The following POM121C variants were observed in gnomAD, a reference collection of about 807,000 sequenced individuals.
The protein encoded by POM121C is POM121 transmembrane nucleoporin C.
A neutral mutation model predicts 66.4 loss-of-function variants in POM121C; 20 were observed. That is an observed-to-expected ratio of 0.30 (90% CI 0.21 to 0.44). The LOEUF (loss-of-function observed/expected upper bound fraction) is 0.44. Among genes scored for constraint, POM121C ranks in the 20% least tolerant of loss-of-function variants. The pLI is 1.00. For missense variants in POM121C, 580 were observed against 1,225.7 expected (o/e 0.47, Z 7.87); for synonymous variants, 286 against 528.0 (o/e 0.54, Z 6.28).
rs1194723499 is a variant in POM121C, at chr7:75,418,514, G to A, written c.*282C>T. 10 of 1,186,168 alleles carry A rather than the reference G, an allele frequency of 8.4e-6. No homozygotes were observed. Among genetic ancestry groups the A allele is most frequent in the South Asian group, 2.9e-5 (1 of 34,922 alleles). The allele number at this position is 1,186,168 out of a possible 1,614,324, so 73.5% of individuals were successfully genotyped here. A position where few individuals can be genotyped will look rare whatever the true frequency, so the allele number is the denominator to read the frequency against. ...TGCGCTAAGCGGGAGTCAGGGCAGC[G>A]GACACTATGTACAGGTCCTTAGTTC... On this transcript the variant is annotated 3_prime_UTR_variant, in exon 15 of 15. Transcript: ENST00000615331.
chr7:75,477,343 A>G (rs1308583500), intron 1 of POM121C, among the ~76,000 whole-genome samples: 2 of 152,210 alleles, frequency 1.3e-5, no homozygotes, highest in African/African-American at 4.8e-5. Flanking sequence ...AACACTTTAG[A>G]AGGCCGAGGC....
At chr7:75,419,657 C>T (rs55779330) in intron 13 of POM121C, 335 of 579,662 alleles carry the variant, frequency 5.8e-4, no homozygotes, top group Non-Finnish European at 9.1e-4. Context: ...CTAATGGCCA[C>T]GCCAGGGCAG....
Position 75,441,520 on chromosome 7 carries a change from C to T in POM121C, c.-24G>A, listed in dbSNP as rs782131681. On this transcript the variant is annotated 5_prime_UTR_variant, in exon 4 of 15. It adds an upstream start codon to the 5' untranslated region. Coordinates refer to ENST00000615331, the MANE Select transcript of POM121C (RefSeq NM_001099415.3). ...ATCCTGGAGTTGCGAGGGGACAGCACAGCCTTCTTGTGATAACCATTCCAG... is the reference window on the plus strand; with the variant it reads ...ATCCTGGAGTTGCGAGGGGACAGCATAGCCTTCTTGTGATAACCATTCCAG... 101 of 1,613,766 alleles carry T rather than the reference C, an allele frequency of 6.3e-5. No individual in the cohort carries two copies. The highest frequency in any genetic ancestry group is 8.2e-5 in the Non-Finnish European group (97 of 1,179,828).
chr7:75,421,866 C>T lies in POM121C; in HGVS notation c.2386G>A (p.Gly796Ser), dbSNP rs782434355. 1.3e-5 allele frequency: 21 copies of T among 1,611,298 alleles called. No homozygotes were observed. The highest frequency in any genetic ancestry group is 1.7e-5 in the Admixed American group (1 of 59,932). The change falls in exon 13 of 15, where the codon GGC (glycine) becomes AGC (serine). Residue 796 changes from glycine to serine, a missense_variant. Transcript: ENST00000615331. ...CCGAAGGAGAAGACAGCAGTGGAGCCGCCAAAGGCGGGCTGTGAGCTGGCG... is the reference window on the plus strand; with the variant it reads ...CCGAAGGAGAAGACAGCAGTGGAGCTGCCAAAGGCGGGCTGTGAGCTGGCG... ...APASSQPAFG[G>S]STAVFSFGAA...
At chr7:75,465,865 C>T (rs746375734) in intron 3 of POM121C, among the ~76,000 whole-genome samples, 5 of 129,580 alleles carry the variant, frequency 3.9e-5, no homozygotes, top group African/African-American at 9.2e-5. Context: ...CACTGCACTC[C>T]AGCACAGGCA....
At chr7:75,436,850 G>A (rs1157084748) in intron 7 of POM121C, among the ~76,000 whole-genome samples, 2 of 151,576 alleles carry the variant, frequency 1.3e-5, no homozygotes, top group African/African-American at 4.8e-5. Context: ...TGAACTCCTG[G>A]GCTCAAGAGG....
chr7:75,442,252 G>A, intron 3 of POM121C: 2 of 1,429,526 alleles, frequency 1.4e-6, no homozygotes, highest in Admixed American at 3.2e-5. Flanking sequence ...GCGGCGCCGG[G>A]CGGGCGGGTG....
At chr7:75,424,765 C>G (rs1789868962) in intron 10 of POM121C, 137 bp from the exon 11 acceptor site, 4 of 1,335,690 alleles carry the variant, frequency 3.0e-6, no homozygotes. Context: ...TTGAGGCTGG[C>G]CTGGCCAACA....
At chr7:75,442,201 G>C (rs1554474130) in intron 3 of POM121C, 5 of 1,351,332 alleles carry the variant, frequency 3.7e-6, no homozygotes, top group South Asian at 1.7e-5. Flanking sequence ...AGGGGTAAAA[G>C]TGGTGAACGC....
Position 75,485,970 on chromosome 7 carries a change from C to T in POM121C, c.-564G>A, listed in dbSNP as rs1792526670. On this transcript the variant is annotated 5_prime_UTR_variant, in exon 1 of 15. The change creates a new upstream start codon in the 5' untranslated region. Coordinates refer to ENST00000615331, the MANE Select transcript of POM121C (RefSeq NM_001099415.3). Reference sequence around the variant, plus strand: ...GCGAGGTCCCCTCCTGTCCACCTCACCAAGGCTGTTCTGCTCCCGAGGGGC... The same window carrying T: ...GCGAGGTCCCCTCCTGTCCACCTCATCAAGGCTGTTCTGCTCCCGAGGGGC... 2.0e-6 allele frequency: 1 copy of T among 497,860 alleles called. No individual in the cohort carries two copies. Among genetic ancestry groups the T allele is most frequent in the African/African-American group, 1.9e-5 (1 of 51,654 alleles). 30.8% of individuals were successfully genotyped at this position (497,860 alleles called of 1,614,324 possible). A position where few individuals can be genotyped will look rare whatever the true frequency, so the allele number is the denominator to read the frequency against.
intron 3 of POM121C, among the ~76,000 whole-genome samples, chr7:75,453,913 C>A (rs1441721188): frequency 1.3e-5 from 2 of 152,212 alleles, no homozygotes; most frequent in Non-Finnish European, 2.9e-5. Flanking sequence ...CCATGTGGCC[C>A]CTCGCAGTCT....
chr7:75,417,043 T>A lies in POM121C; in HGVS notation c.*1753A>T. 2 of 1,160,934 alleles carry A rather than the reference T, an allele frequency of 1.7e-6. No individual in the cohort carries two copies. Among genetic ancestry groups the A allele is most frequent in the Non-Finnish European group, 2.1e-6 (2 of 937,672 alleles). The allele number at this position is 1,160,934 out of a possible 1,614,324, so 71.9% of individuals were successfully genotyped here. On this transcript the variant is annotated 3_prime_UTR_variant, in exon 15 of 15. Transcript: ENST00000615331. ...TGACACTAGGAGGGTCTACCTTACATAAGGTACAGGTAGAAGCTTGATTGC... is the reference window on the plus strand; with the variant it reads ...TGACACTAGGAGGGTCTACCTTACAAAAGGTACAGGTAGAAGCTTGATTGC...
chr7:75,424,096 T>C lies in POM121C; in HGVS notation c.1001A>G (p.Glu334Gly), dbSNP rs781961391. Residue 334 changes from glutamate (E) to glycine (G), a missense_variant, in exon 12 of 15, where the codon GAG (glutamate) becomes GGG (glycine). Glu to Gly is a moderately conservative substitution (Grantham distance 98, BLOSUM62 -2). Coordinates refer to ENST00000615331, the MANE Select transcript of POM121C (RefSeq NM_001099415.3). Reference protein sequence around the residue: ...LLAPSTNPLLESLKKMQTPPS... With the variant: ...LLAPSTNPLLGSLKKMQTPPS... Reference sequence around the variant, plus strand: ...GGGAGTCTGCATCTTCTTCAAGCTCTCTAACAGTGGGTTGGTGCTTGGGGC... The same window carrying C: ...GGGAGTCTGCATCTTCTTCAAGCTCCCTAACAGTGGGTTGGTGCTTGGGGC... The C allele has an allele frequency of 2.5e-6, 4 of 1,611,750 alleles. No homozygotes were observed. The highest frequency in any genetic ancestry group is 3.4e-6 in the Non-Finnish European group (4 of 1,179,794).
chr7:75,477,807 G>A (rs2116539585), intron 1 of POM121C, among the ~76,000 whole-genome samples: 1 of 151,510 alleles, frequency 6.6e-6, no homozygotes, highest in East Asian at 1.9e-4. Context: ...TATAGACAGA[G>A]ACATGAGGAC....
At chr7:75,424,787 C>T (rs1259446478) in intron 10 of POM121C, 159 bp from the exon 11 acceptor site, 3 of 1,231,028 alleles carry the variant, frequency 2.4e-6, no homozygotes, top group African/African-American at 3.0e-5. Flanking sequence ...GGTGAAACCC[C>T]ATCTCTACTA....
Position 75,441,354 on chromosome 7 carries a change from C to G in POM121C, c.65+78G>C, listed in dbSNP as rs1554473948. 10 of 1,461,834 alleles carry G rather than the reference C, an allele frequency of 6.8e-6. 1 individual carries two copies. The Admixed American group carries it at 1.8e-4, about 27-fold the overall frequency. 90.6% of individuals were successfully genotyped at this position (1,461,834 alleles called of 1,614,324 possible). On this transcript the variant is annotated intron_variant, in intron 4 of 14. Coordinates refer to ENST00000615331, the MANE Select transcript of POM121C (RefSeq NM_001099415.3). ...CGTCCTTTCTTTTTTGCGTTGTAGTCATGTTGTCACAGGAACAACTGGAGA... is the reference window on the plus strand; with the variant it reads ...CGTCCTTTCTTTTTTGCGTTGTAGTGATGTTGTCACAGGAACAACTGGAGA...
At chr7:75,476,434 C>T (rs1448561169) in intron 1 of POM121C, among the ~76,000 whole-genome samples, 1 of 152,146 alleles carries the variant, frequency 6.6e-6, no homozygotes, top group African/African-American at 2.4e-5. Context: ...GCCCAGTAAG[C>T]ATGTTGCATT....
At chr7:75,428,717 T>G (rs150835229) in intron 7 of POM121C, among the ~76,000 whole-genome samples, 3 of 152,174 alleles carry the variant, frequency 2.0e-5, no homozygotes, top group Admixed American at 1.3e-4. Context: ...AGGTGGCTCA[T>G]GCCTGTAATC....
intron 13 of POM121C, 149 bp from the exon 14 acceptor site, chr7:75,419,591 C>A (rs1364959169): frequency 1.9e-5 from 17 of 918,614 alleles, no homozygotes; most frequent in Non-Finnish European, 2.6e-5. Context: ...AGCAGCTGAG[C>A]CAGACAACCG....
Sources: allele counts gnomAD v4.1 joint callset (sites outside exome capture counted in the v4.1 genomes callset), GRCh38; gene constraint gnomAD v4.1.1; transcripts MANE v1.5; gene names NCBI Gene and HGNC (gene_info 2026-07-23, HGNC 2026-07-21).